The following TNPO1 variants were observed in gnomAD, a reference collection of about 807,000 sequenced individuals.
TNPO1 encodes transportin 1, also known as transportin-1.
TNPO1 carries 8 observed loss-of-function variants against 119.5 expected under a neutral mutation model. That is an observed-to-expected ratio of 0.07 (90% CI 0.04 to 0.12). The LOEUF (loss-of-function observed/expected upper bound fraction) is 0.12. TNPO1 is among the 10% of genes least tolerant of loss of function. The pLI is 1.00. For synonymous variants in TNPO1, 362 were observed against 363.0 expected (o/e 1.00, Z 0.03); for missense variants, 576 against 1,089.8 (o/e 0.53, Z 6.64).
chr5:72,872,188 G>T (rs181948610), intron 6 of TNPO1, among the ~76,000 whole-genome samples: 3 of 152,266 alleles, frequency 2.0e-5, no homozygotes, highest in Non-Finnish European at 4.4e-5. Context: ...AGTGAGAAAT[G>T]ATTAGATTAA....
chr5:72,895,384 A>G (rs560027187), intron 18 of TNPO1, among the ~76,000 whole-genome samples: 38 of 146,568 alleles, frequency 2.6e-4, no homozygotes, highest in Non-Finnish European at 3.7e-4. Flanking sequence ...ACCAATCTTG[A>G]TGATTGTCTC....
chr5:72,892,611 C>G (rs1749144628), intron 15 of TNPO1, among the ~76,000 whole-genome samples: 1 of 152,106 alleles, frequency 6.6e-6, no homozygotes. Context: ...AGAAATCCAG[C>G]GATGCTCAAG....
At chr5:72,864,558 C>T (rs1442365214) in intron 5 of TNPO1, among the ~76,000 whole-genome samples, 1 of 152,114 alleles carries the variant, frequency 6.6e-6, no homozygotes, top group African/African-American at 2.4e-5. Flanking sequence ...CACCAGTTAC[C>T]CAGTGAATAC....
At position 72,901,667 on chromosome 5, in the gene TNPO1, A is replaced by G. The variant is rs73098057; in HGVS notation, c.2514+594A>G. 5.4e-3 allele frequency among the ~76,000 whole-genome samples: 820 copies of G among 152,304 alleles called. 7 individuals are homozygous for G. The highest frequency in any genetic ancestry group is 0.019 in the African/African-American group (779 of 41,570). Reference sequence around the variant, plus strand: ...ACTGCCAATTTTCTAGACACACAAAACAAAAACATGTTGAATTACACCATG... The same window carrying G: ...ACTGCCAATTTTCTAGACACACAAAGCAAAAACATGTTGAATTACACCATG... On this transcript the variant is annotated intron_variant, in intron 22 of 24. Transcript: ENST00000337273.
chr5:72,829,874 T>C (rs186291219), intron 1 of TNPO1, among the ~76,000 whole-genome samples: 1 of 152,274 alleles, frequency 6.6e-6, no homozygotes, highest in African/African-American at 2.4e-5. Context: ...CAGTTAGTCC[T>C]AAAGCCCCAT....
chr5:72,822,590 CTTTT>C (rs766069525), intron 1 of TNPO1, among the ~76,000 whole-genome samples: 3 of 132,918 alleles, frequency 2.3e-5, no homozygotes, highest in East Asian at 2.1e-4. Context: ...AAGTTCTACA[CTTTT>C]TTTTTTTTTT....
intron 1 of TNPO1, among the ~76,000 whole-genome samples, chr5:72,843,539 A>G (rs1011008368): frequency 6.6e-6 from 1 of 151,536 alleles, no homozygotes; most frequent in Non-Finnish European, 1.5e-5. Flanking sequence ...CGTTGCAGTG[A>G]GCCGAGATCG....
At position 72,868,068 on chromosome 5, in the gene TNPO1, G is replaced by C. The variant is rs533483588; in HGVS notation, c.596+2339G>C. Among the ~76,000 whole-genome samples the C allele has an allele frequency of 5.9e-5, 9 of 152,212 alleles. 1 individual carries two copies. In the South Asian group the frequency reaches 1.9e-3, roughly 32 times the overall value. On this transcript the variant is annotated intron_variant, in intron 6 of 24. Coordinates refer to ENST00000337273, the MANE Select transcript of TNPO1 (RefSeq NM_002270.4). ...AATTCTCATCCTTTATCAGTTATGT[G>C]TGTAGAGAATATCTTAATCCTTTTT...
At chr5:72,830,874 A>T (rs1275504310) in intron 1 of TNPO1, among the ~76,000 whole-genome samples, 1 of 152,158 alleles carries the variant, frequency 6.6e-6, no homozygotes, top group Non-Finnish European at 1.5e-5. Flanking sequence ...TGTGTTTTTG[A>T]AATAGTAATT....
chr5:72,893,591 G>T, intron 17 of TNPO1, 25 bp from the exon 18 acceptor site: 1 of 1,614,170 alleles, frequency 6.2e-7, no homozygotes, highest in Non-Finnish European at 8.5e-7. Context: ...TCACATTGGG[G>T]TTAATTTCTT....
At chr5:72,893,080 A>G in intron 15 of TNPO1, 59 bp from the exon 16 acceptor site, 1 of 1,327,878 alleles carries the variant, frequency 7.5e-7, no homozygotes, top group Non-Finnish European at 1.1e-6. Context: ...AGTTTCAAGC[A>G]TTCATCATAA....
At position 72,882,508 on chromosome 5, in the gene TNPO1, T is replaced by C. The variant is rs751662016; in HGVS notation, c.962T>C (p.Ile321Thr). The C allele has an allele frequency of 1.2e-6, 2 of 1,610,320 alleles. No homozygotes were observed. The highest frequency in any genetic ancestry group is 8.5e-7 in the Non-Finnish European group (1 of 1,178,112). ...GTGAATGGCATGAAGTACTCAGACATAGATATTATCCTACTTAAGGTAAGG... is the reference window on the plus strand; with the variant it reads ...GTGAATGGCATGAAGTACTCAGACACAGATATTATCCTACTTAAGGTAAGG... ...VLVNGMKYSDIDIILLKGDVE... is the reference protein window; with the variant it reads ...VLVNGMKYSDTDIILLKGDVE... Residue 321 changes from isoleucine (I) to threonine (T), a missense_variant, in exon 10 of 25, where the codon ATA becomes ACA. This residue lies in a region of TNPO1 where 310 missense variants were observed against 583.0 expected (regional missense o/e 0.53). Coordinates refer to ENST00000337273, the MANE Select transcript of TNPO1 (RefSeq NM_002270.4).
At chr5:72,843,284 T>C (rs941280150) in intron 1 of TNPO1, among the ~76,000 whole-genome samples, 31 of 152,308 alleles carry the variant, frequency 2.0e-4, no homozygotes, top group African/African-American at 6.3e-4. Context: ...TTTTAATATA[T>C]GTTGAATTTT....
intron 6 of TNPO1, 39 bp downstream of exon 6, chr5:72,865,768 T>A (rs1580420438): frequency 6.4e-7 from 1 of 1,573,382 alleles, no homozygotes; most frequent in South Asian, 1.2e-5. Flanking sequence ...AACTGTGATA[T>A]AAACCTGACC....
chr5:72,883,571 G>A (rs956870598), intron 11 of TNPO1, among the ~76,000 whole-genome samples: 3 of 152,116 alleles, frequency 2.0e-5, no homozygotes, highest in Non-Finnish European at 4.4e-5. Context: ...AGTTTTCACG[G>A]TTCATTTTGT....
chr5:72,856,016 T>C (rs1437788130), intron 4 of TNPO1, 93 bp downstream of exon 4: 8 of 1,366,478 alleles, frequency 5.9e-6, no homozygotes, highest in Non-Finnish European at 8.2e-6. Context: ...TTTGTCTGTT[T>C]CATGTTAAAT....
intron 12 of TNPO1, among the ~76,000 whole-genome samples, chr5:72,887,506 G>A (rs1219710349): frequency 6.6e-6 from 1 of 152,154 alleles, no homozygotes; most frequent in Non-Finnish European, 1.5e-5. Context: ...GGTTAACATG[G>A]CGAAACCACG....
At position 72,889,675 on chromosome 5, in the gene TNPO1, A is replaced by C. The variant is rs1208478791; in HGVS notation, c.1530-111A>C. 1.3e-5 allele frequency: 16 copies of C among 1,210,030 alleles called. No homozygotes were observed. The African/African-American group carries it at 2.3e-4, about 18-fold the overall frequency. 75.0% of individuals were successfully genotyped at this position (1,210,030 alleles called of 1,614,324 possible). ...GGGCTTTCATTAACAGATGGCTTAG[A>C]CCATTTTAGGAAATTCCTGATTGGG... On this transcript the variant is annotated intron_variant, in intron 13 of 24. Transcript: ENST00000337273.
rs537290513 is a variant in TNPO1 at position 72,872,906 on chromosome 5, G to GA, written c.678+187dup. ...TGGGATAGACTAACTTTTGTTAGCT[G>GA]AGAAGGCACTTTTACTAATTTTTCT... On this transcript the variant is annotated intron_variant, in intron 7 of 24. Transcript: ENST00000337273. 3.9e-4 allele frequency among the ~76,000 whole-genome samples: 59 copies of GA among 152,210 alleles called. 1 individual carries two copies. In the South Asian group the frequency reaches 0.012, roughly 30 times the overall value.
Sources: allele counts gnomAD v4.1 joint callset (sites outside exome capture counted in the v4.1 genomes callset), GRCh38; gene constraint gnomAD v4.1.1; regional missense constraint gnomAD v4.1.1; transcripts MANE v1.5; gene names NCBI Gene and HGNC (gene_info 2026-07-23, HGNC 2026-07-21).